IQGAP2: variants seen among roughly 807,000 people sequenced by gnomAD.
IQGAP2 encodes IQ motif containing GTPase activating protein 2.
Under a neutral mutation model 201.3 loss-of-function variants are expected in IQGAP2, and 173 were observed. The ratio of observed to expected loss-of-function variants is 0.86; its 90% CI spans 0.76 to 0.98. IQGAP2 has a LOEUF of 0.98. Ranked by LOEUF, IQGAP2 falls within the 50% of genes least tolerant of loss-of-function variation. IQGAP2 has a pLI of 0.00. For synonymous variants in IQGAP2, 675 were observed against 673.9 expected (o/e 1.00, Z -0.03); for missense variants, 1,687 against 1,864.8 (o/e 0.90, Z 1.76).
intron 1 of IQGAP2, chr5:76,441,474 G>C (rs1753029995): frequency 1.0e-6 from 1 of 985,088 alleles, no homozygotes; most frequent in African/African-American, 1.7e-5. Flanking sequence ...AGAACCAAAA[G>C]AAAAAGAAGG....
intron 1 of IQGAP2, among the ~76,000 whole-genome samples, chr5:76,455,128 G>A (rs1429424072): frequency 6.6e-6 from 1 of 152,034 alleles, no homozygotes; most frequent in Non-Finnish European, 1.5e-5. Flanking sequence ...AAGACATCCT[G>A]GGTTTGGAGA....
Position 76,637,035 on chromosome 5 carries a change from G to T in IQGAP2, c.1782G>T (p.Val594=), listed in dbSNP as rs1393858019. The change falls in exon 16 of 36, where the codon GTG becomes GTT. Residue 594 remains valine, a splice_region_variant and synonymous_variant. Transcript: ENST00000274364. The part of the protein sequence containing the change: ...VKAKELKSER[V]SSDGSWLKLN... ...AATTTAACAAACTTTTTTCTTTAGT[G>T]TCTAGTGACGGTTCATGGCTCAAAC... The T allele has an allele frequency of 6.2e-7, 1 of 1,601,930 alleles. No individual in the cohort carries two copies. The highest frequency in any genetic ancestry group is 1.7e-5 in the Admixed American group (1 of 57,894).
intron 2 of IQGAP2, among the ~76,000 whole-genome samples, chr5:76,495,333 GAGCCTGTT>G (rs1185373981): frequency 1.3e-5 from 2 of 152,308 alleles, no homozygotes; most frequent in East Asian, 3.9e-4. Flanking sequence ...CCAAGGGCAT[GAGCCTGTT>G]AGGTAGGACA....
chr5:76,416,326 A>G (rs965828498), intron 1 of IQGAP2, among the ~76,000 whole-genome samples: 1 of 152,216 alleles, frequency 6.6e-6, no homozygotes, highest in Non-Finnish European at 1.5e-5. Context: ...TACAGGCAAA[A>G]CAAGATAGAT....
intron 5 of IQGAP2, among the ~76,000 whole-genome samples, chr5:76,580,587 G>A (rs1745780938): frequency 6.6e-6 from 1 of 151,964 alleles, no homozygotes; most frequent in Non-Finnish European, 1.5e-5. Flanking sequence ...CTTCCTTTTT[G>A]GACACTGTAT....
At chr5:76,476,657 G>A (rs1385628513) in intron 2 of IQGAP2, among the ~76,000 whole-genome samples, 1 of 152,094 alleles carries the variant, frequency 6.6e-6, no homozygotes, top group African/African-American at 2.4e-5. Flanking sequence ...TTCTGGGGGG[G>A]TCAGGACTTT....
At position 76,404,955 on chromosome 5, in the gene IQGAP2, T is replaced by C. The variant is rs142691917; in HGVS notation, c.46+1364T>C. Among the ~76,000 whole-genome samples, 454 of 148,028 alleles carry C rather than the reference T, an allele frequency of 3.1e-3. 6 individuals carry two copies. Among genetic ancestry groups the C allele is most frequent in the African/African-American group, 0.01 (406 of 40,506 alleles). On this transcript the variant is annotated intron_variant, in intron 1 of 35. Transcript: ENST00000274364. The stretch of plus-strand genomic sequence containing the variant: ...AGAGCCCGTTGGGTTCAAGGAGGAA[T>C]GCTGTGCTCATTCAGTGTTTGCAGT...
chr5:76,419,562 T>A (rs1239157966), intron 1 of IQGAP2, among the ~76,000 whole-genome samples: 1 of 152,150 alleles, frequency 6.6e-6, no homozygotes, highest in East Asian at 1.9e-4. Flanking sequence ...GGTCTCGAAC[T>A]CCTGATCTCA....
rs1008231369 is a variant in IQGAP2, at chr5:76,508,993, G to A, written c.146+47324G>A. The stretch of plus-strand genomic sequence containing the variant: ...CCATGCTGATGACAGTGTGCTCTGG[G>A]GGAGCCTTTTTGGTAAACAGTTTGG... On this transcript the variant is annotated intron_variant, in intron 2 of 35. Transcript: ENST00000274364. Among the ~76,000 whole-genome samples the A allele has an allele frequency of 3.3e-5, 5 of 151,898 alleles. No homozygotes were observed. In the East Asian group the frequency reaches 9.7e-4, roughly 29 times the overall value.
intron 2 of IQGAP2, among the ~76,000 whole-genome samples, chr5:76,554,632 G>C (rs796828262): frequency 4.6e-5 from 7 of 152,306 alleles, no homozygotes; most frequent in African/African-American, 1.7e-4. Context: ...GCATCCACTA[G>C]GATGGCTGTA....
chr5:76,409,340 G>A (rs543192715), intron 1 of IQGAP2, among the ~76,000 whole-genome samples: 4 of 142,120 alleles, frequency 2.8e-5, no homozygotes, highest in Non-Finnish European at 4.5e-5. Context: ...TCTGCTTCCC[G>A]GGTTCAAGCA....
chr5:76,655,461 G>T (rs1752839336), intron 20 of IQGAP2, among the ~76,000 whole-genome samples: 1 of 151,856 alleles, frequency 6.6e-6, no homozygotes, highest in South Asian at 2.1e-4. Flanking sequence ...GTTTGTTTTT[G>T]TTTTGAGACA....
At chr5:76,494,524 A>G (rs1756759571) in intron 2 of IQGAP2, among the ~76,000 whole-genome samples, 1 of 152,216 alleles carries the variant, frequency 6.6e-6, no homozygotes, top group South Asian at 2.1e-4. Flanking sequence ...ACATGCCCTC[A>G]GCATTCTGTT....
At chr5:76,584,595 C>T (rs906891785) in intron 5 of IQGAP2, among the ~76,000 whole-genome samples, 1 of 152,134 alleles carries the variant, frequency 6.6e-6, no homozygotes, top group Non-Finnish European at 1.5e-5. Context: ...TTCCCTAAAG[C>T]AGCAAGTGTA....
At chr5:76,455,844 G>A (rs535770073) in intron 1 of IQGAP2, among the ~76,000 whole-genome samples, 1 of 152,108 alleles carries the variant, frequency 6.6e-6, no homozygotes, top group South Asian at 2.1e-4. Flanking sequence ...GAAGATTTGG[G>A]GCTTTGTGTT....
At chr5:76,690,247 G>T (rs979640007) in intron 30 of IQGAP2, among the ~76,000 whole-genome samples, 7 of 152,190 alleles carry the variant, frequency 4.6e-5, no homozygotes, top group Admixed American at 2.0e-4. Context: ...GCAGGACTGT[G>T]AGCTCTCTGC....
chr5:76,432,845 A>G (rs1752449579), intron 1 of IQGAP2, among the ~76,000 whole-genome samples: 1 of 152,168 alleles, frequency 6.6e-6, no homozygotes, highest in South Asian at 2.1e-4. Context: ...CTGATCCACC[A>G]TGCTCTGTGC....
chr5:76,693,178 A>C (rs778978311), intron 30 of IQGAP2, among the ~76,000 whole-genome samples, 177 bp from the exon 31 acceptor site: 2 of 152,270 alleles, frequency 1.3e-5, no homozygotes, highest in African/African-American at 2.4e-5. Flanking sequence ...TCAAGCATTC[A>C]TAAACTTTCA....
chr5:76,646,312 T>A (rs1752033643), intron 17 of IQGAP2, among the ~76,000 whole-genome samples: 1 of 152,230 alleles, frequency 6.6e-6, no homozygotes. Context: ...ACAAATCCCA[T>A]GGGGTAGCAT....
Sources: allele counts gnomAD v4.1 joint callset (sites outside exome capture counted in the v4.1 genomes callset), GRCh38; gene constraint gnomAD v4.1.1; transcripts MANE v1.5; gene names NCBI Gene and HGNC (gene_info 2026-07-23, HGNC 2026-07-21).